The following CACNA2D1 variants were observed in gnomAD, a reference collection of about 807,000 sequenced individuals.
The protein encoded by CACNA2D1 is voltage-dependent calcium channel subunit alpha-2/delta-1.
In CACNA2D1, 53 loss-of-function variants were observed where a neutral mutation model predicts 171.5. The ratio of observed to expected loss-of-function variants is 0.31; its 90% CI spans 0.25 to 0.39. The LOEUF (loss-of-function observed/expected upper bound fraction) is 0.39, where lower values mean the gene tolerates loss of function less well. Ranked by LOEUF, CACNA2D1 falls within the 10% of genes least tolerant of loss-of-function variation. The pLI is 1.00. For missense variants in CACNA2D1, 903 were observed against 1,299.8 expected, an observed-to-expected ratio of 0.69 and a Z score of 4.69; for synonymous variants, 442 against 443.1, an observed-to-expected ratio of 1.00 and a Z score of 0.03.
chr7:82,169,091 C>A (rs1008729045), intron 4 of CACNA2D1, among the ~76,000 whole-genome samples: 1 of 151,936 alleles, frequency 6.6e-6, no homozygotes, highest in Non-Finnish European at 1.5e-5. Flanking sequence ...TGTTGTTAAT[C>A]AAACATATAT....
chr7:81,973,099 T>A (rs2130478336), intron 25 of CACNA2D1, among the ~76,000 whole-genome samples: 1 of 152,218 alleles, frequency 6.6e-6, no homozygotes, highest in South Asian at 2.1e-4. Context: ...TCTGAAAAGT[T>A]ATATGTTAGG....
intron 3 of CACNA2D1, among the ~76,000 whole-genome samples, chr7:82,219,023 C>A (rs1801473360): frequency 2.0e-5 from 3 of 151,982 alleles, no homozygotes; most frequent in African/African-American, 7.2e-5. Context: ...TTCTGTGATG[C>A]AAGTATTAAT....
intron 3 of CACNA2D1, among the ~76,000 whole-genome samples, chr7:82,302,681 C>T (rs554957160): frequency 2.0e-5 from 3 of 152,194 alleles, no homozygotes; most frequent in Non-Finnish European, 2.9e-5. Context: ...CTTCCCTAAG[C>T]GCTGGAAATA....
At chr7:82,162,603 G>C (rs540446078) in intron 4 of CACNA2D1, among the ~76,000 whole-genome samples, 5 of 151,826 alleles carry the variant, frequency 3.3e-5, no homozygotes, top group Admixed American at 2.6e-4. Context: ...GAAAAATGTA[G>C]ATGAATATTC....
At chr7:82,263,270 G>T (rs1002716004) in intron 3 of CACNA2D1, among the ~76,000 whole-genome samples, 1 of 151,684 alleles carries the variant, frequency 6.6e-6, no homozygotes, top group Non-Finnish European at 1.5e-5. Flanking sequence ...CACCAAGCCT[G>T]GCTGATTTTT....
chr7:82,104,398 G>C (rs542482025), intron 6 of CACNA2D1, among the ~76,000 whole-genome samples: 1 of 152,012 alleles, frequency 6.6e-6, no homozygotes, highest in East Asian at 1.9e-4. Context: ...TCATCTAAGA[G>C]TGATCTAGTC....
intron 9 of CACNA2D1, among the ~76,000 whole-genome samples, chr7:82,062,942 T>C (rs1807135595): frequency 6.6e-6 from 1 of 151,876 alleles, no homozygotes; most frequent in South Asian, 2.1e-4. Flanking sequence ...AAATGAGATA[T>C]TGCTTTGTTG....
At chr7:82,315,745 T>C (rs1350698184) in intron 3 of CACNA2D1, among the ~76,000 whole-genome samples, 3 of 152,072 alleles carry the variant, frequency 2.0e-5, no homozygotes, top group East Asian at 3.9e-4. Context: ...TCTAGAAAAA[T>C]AAATCCTGAA....
In CACNA2D1 at chr7:82,177,930, A is replaced by C. The variant is rs574899421; in HGVS notation, c.295-7321T>G. Among the ~76,000 whole-genome samples, 3 of 152,292 alleles carry C rather than the reference A, an allele frequency of 2.0e-5. No homozygotes were observed. In the East Asian group the frequency reaches 5.8e-4, roughly 29 times the overall value. On this transcript the variant is annotated intron_variant, in intron 3 of 38. Coordinates refer to ENST00000356860, the MANE Select transcript of CACNA2D1 (RefSeq NM_000722.4). ...TGCAGCCACATTACAGATAAATCTTATAATGTACAAGGTATAATGTAAGGA... is the reference window on the plus strand; with the variant it reads ...TGCAGCCACATTACAGATAAATCTTCTAATGTACAAGGTATAATGTAAGGA...
Position 82,032,705 on chromosome 7 carries a change from C to A in CACNA2D1, c.1143+92G>T, listed in dbSNP as rs186057605. The A allele has an allele frequency of 3.0e-3, 2,049 of 673,046 alleles. 12 individuals are homozygous for A. The highest frequency in any genetic ancestry group is 4.3e-3 in the Non-Finnish European group (1,664 of 390,742). 41.7% of individuals were successfully genotyped at this position (673,046 alleles called of 1,614,324 possible). ...TAATTGGCACAATCAGGTTTTAAATCAAAAATTCTCCCCTCACTACCACTA... is the reference window on the plus strand; with the variant it reads ...TAATTGGCACAATCAGGTTTTAAATAAAAAATTCTCCCCTCACTACCACTA... On this transcript the variant is annotated intron_variant, in intron 12 of 38. Transcript: ENST00000356860.
chr7:82,280,999 A>T (rs1018374338), intron 3 of CACNA2D1, among the ~76,000 whole-genome samples: 3 of 152,144 alleles, frequency 2.0e-5, no homozygotes, highest in Non-Finnish European at 4.4e-5. Context: ...TGAAAATCCA[A>T]CTCAAATTGG....
In CACNA2D1 at chr7:82,292,937, C is replaced by T. The variant is rs191280997; in HGVS notation, c.294+42198G>A. On this transcript the variant is annotated intron_variant, in intron 3 of 38. Coordinates refer to ENST00000356860, the MANE Select transcript of CACNA2D1 (RefSeq NM_000722.4). Reference sequence around the variant, plus strand: ...ATATGTGAGTATATACAAATATATACACACACACACATACACATTAAAAAA... The same window carrying T: ...ATATGTGAGTATATACAAATATATATACACACACACATACACATTAAAAAA... Among the ~76,000 whole-genome samples the T allele has an allele frequency of 3.9e-3, 585 of 151,706 alleles. 3 individuals are homozygous for T. Among genetic ancestry groups the T allele is most frequent in the Non-Finnish European group, 6.7e-3 (456 of 67,866 alleles).
chr7:82,215,701 T>G (rs1801027910), intron 3 of CACNA2D1, among the ~76,000 whole-genome samples: 1 of 152,114 alleles, frequency 6.6e-6, no homozygotes, highest in African/African-American at 2.4e-5. Flanking sequence ...TCTTTAAAAT[T>G]CAATGCCATA....
At chr7:82,347,104 C>T (rs1004500184) in intron 2 of CACNA2D1, among the ~76,000 whole-genome samples, 2 of 152,104 alleles carry the variant, frequency 1.3e-5, no homozygotes, top group African/African-American at 4.8e-5. Context: ...TAGTCCTAAA[C>T]AAACCTATTC....
At chr7:82,138,345 A>AT (rs1418314468) in intron 4 of CACNA2D1, among the ~76,000 whole-genome samples, 1 of 151,838 alleles carries the variant, frequency 6.6e-6, no homozygotes, top group Non-Finnish European at 1.5e-5. Flanking sequence ...ACATTATTTG[A>AT]TTTTCAAAAG....
At chr7:82,087,161 T>C (rs562659294) in intron 6 of CACNA2D1, among the ~76,000 whole-genome samples, 70 of 152,296 alleles carry the variant, frequency 4.6e-4, no homozygotes, top group Admixed American at 1.8e-3. Context: ...ATAAATTTGA[T>C]ATACCCAATG....
chr7:82,354,280 G>A (rs2129446462), intron 1 of CACNA2D1, among the ~76,000 whole-genome samples: 1 of 152,164 alleles, frequency 6.6e-6, no homozygotes, highest in South Asian at 2.1e-4. Flanking sequence ...TTATTTTATA[G>A]GAGATCTCAG....
chr7:82,247,690 A>G (rs1462447745), intron 3 of CACNA2D1, among the ~76,000 whole-genome samples: 1 of 152,178 alleles, frequency 6.6e-6, no homozygotes, highest in Non-Finnish European at 1.5e-5. Context: ...TATTTTAACT[A>G]CAAGGAAAGA....
At chr7:82,138,435 TTTTTGTTTTTTTTG>T (rs1298042730) in intron 4 of CACNA2D1, among the ~76,000 whole-genome samples, 5 of 80,512 alleles carry the variant, frequency 6.2e-5, no homozygotes, top group African/African-American at 2.3e-4. Context: ...AGTTTTGTTT[TTTTTGTTTTTTTTG>T]TTTTTTTTTT....
Sources: allele counts gnomAD v4.1 joint callset (sites outside exome capture counted in the v4.1 genomes callset), GRCh38; gene constraint gnomAD v4.1.1; transcripts MANE v1.5; gene names NCBI Gene and HGNC (gene_info 2026-07-23, HGNC 2026-07-21).